The following KCNIP4 variants were observed in gnomAD, a reference collection of about 807,000 sequenced individuals.
KCNIP4 encodes the protein Kv channel-interacting protein 4.
KCNIP4 carries 12 observed loss-of-function variants against 34.0 expected under a neutral mutation model. The observed-to-expected ratio is 0.35, with a 90% CI of 0.23 to 0.57. The LOEUF (loss-of-function observed/expected upper bound fraction) is 0.57. KCNIP4 is among the 20% of genes least tolerant of loss of function. The pLI, the probability that KCNIP4 is intolerant of heterozygous loss-of-function variation, is 0.83. For missense variants in KCNIP4, 238 were observed against 311.7 expected, an observed-to-expected ratio of 0.76 and a Z score of 1.78; for synonymous variants, 124 against 102.2, an observed-to-expected ratio of 1.21 and a Z score of -1.29.
chr4:21,717,469 AT>A lies in KCNIP4; in HGVS notation c.61+231101del, dbSNP rs543967233. Among the ~76,000 whole-genome samples, 187 of 152,290 alleles carry A rather than the reference AT, an allele frequency of 1.2e-3. 1 individual carries two copies. The highest frequency in any genetic ancestry group is 4.3e-3 in the African/African-American group (177 of 41,568). On this transcript the variant is annotated intron_variant, in intron 1 of 8. Transcript: ENST00000382152. ...AATGCACTTGGATTTAGCATTGAGC[AT>A]TTTATAACCCTCAAAAAAAGCTGAG... is the stretch of plus-strand genomic sequence containing the variant.
chr4:21,259,542 G>A (rs59556101), intron 1 of KCNIP4, among the ~76,000 whole-genome samples: 1 of 151,944 alleles, frequency 6.6e-6, no homozygotes, highest in East Asian at 2.0e-4. Flanking sequence ...GTCCCTTTCT[G>A]CCATTGGCTA....
At chr4:21,168,093 A>G (rs1257671029) in intron 1 of KCNIP4, among the ~76,000 whole-genome samples, 1 of 152,196 alleles carries the variant, frequency 6.6e-6, no homozygotes, top group Non-Finnish European at 1.5e-5. Context: ...TGTTTCTAAA[A>G]GTATTCATTT....
At chr4:20,900,163 T>C (rs1727012479) in intron 1 of KCNIP4, among the ~76,000 whole-genome samples, 1 of 152,148 alleles carries the variant, frequency 6.6e-6, no homozygotes, top group Non-Finnish European at 1.5e-5. Context: ...TCTCCAGCTC[T>C]TCCAGATCTC....
chr4:21,603,699 A>T (rs571476349), intron 1 of KCNIP4, among the ~76,000 whole-genome samples: 3 of 134,540 alleles, frequency 2.2e-5, no homozygotes, highest in Non-Finnish European at 3.3e-5. Flanking sequence ...TAGCAATGAT[A>T]AAAAAAAAAA....
rs115675769 is a variant in KCNIP4 at position 21,368,464 on chromosome 4, T to A, written c.62-485755A>T. ...ACACATAATATGTGCCAGGTCCTGT[T>A]CAAAAAAATTTACATGCATGATTCT... On this transcript the variant is annotated intron_variant, in intron 1 of 8. Transcript: ENST00000382152. 1.0e-2 allele frequency among the ~76,000 whole-genome samples: 1,466 copies of A among 147,252 alleles called. 280 individuals carry two copies. Among genetic ancestry groups the A allele is most frequent in the African/African-American group, 0.038 (1,393 of 36,880 alleles).
intron 1 of KCNIP4, among the ~76,000 whole-genome samples, chr4:21,152,303 T>A (rs1752814441): frequency 6.6e-6 from 1 of 152,108 alleles, no homozygotes; most frequent in Admixed American, 6.6e-5. Context: ...CTACATCCCC[T>A]TCTAACTTAC....
intron 1 of KCNIP4, among the ~76,000 whole-genome samples, chr4:21,487,459 G>A (rs13435894): frequency 0.032 from 4,900 of 152,088 alleles, 254 homozygotes; most frequent in African/African-American, 0.11. Flanking sequence ...TTCCTGTCTG[G>A]GGTAGTGTTT....
rs909342945 is a variant in KCNIP4, at chr4:20,729,047, T to G, written c.*1035A>C. ...AATGGAACCACTGGTGCTTTCAAAG[T>G]GAATTTTGCTTGCTAATTTTGCTTG... On this transcript the variant is annotated 3_prime_UTR_variant, in exon 9 of 9. Coordinates refer to ENST00000382152, the MANE Select transcript of KCNIP4 (RefSeq NM_025221.6). 8.0e-5 allele frequency: 12 copies of G among 150,180 alleles called. No individual in the cohort carries two copies. The highest frequency in any genetic ancestry group is 2.0e-4 in the Admixed American group (3 of 15,046). 9.3% of individuals were successfully genotyped at this position (150,180 alleles called of 1,614,324 possible).
chr4:21,487,625 C>A (rs564677501), intron 1 of KCNIP4, among the ~76,000 whole-genome samples: 1 of 152,298 alleles, frequency 6.6e-6, no homozygotes, highest in East Asian at 1.9e-4. Flanking sequence ...AGAAAGTCTG[C>A]AAAATCAGAT....
chr4:20,884,421 C>A (rs1433463267), intron 1 of KCNIP4, among the ~76,000 whole-genome samples: 1 of 151,802 alleles, frequency 6.6e-6, no homozygotes, highest in Admixed American at 6.6e-5. Flanking sequence ...CTGACAGACC[C>A]CCGTGTGTGA....
At chr4:21,515,980 CT>C (rs1734725333) in intron 1 of KCNIP4, among the ~76,000 whole-genome samples, 1 of 152,064 alleles carries the variant, frequency 6.6e-6, no homozygotes, top group South Asian at 2.1e-4. Flanking sequence ...AGGTCTGTCT[CT>C]TGTGTTCACC....
intron 1 of KCNIP4, among the ~76,000 whole-genome samples, chr4:21,776,936 T>C (rs1719219223): frequency 6.6e-6 from 1 of 152,088 alleles, no homozygotes; most frequent in Non-Finnish European, 1.5e-5. Flanking sequence ...CTAATTTTTA[T>C]ATTTCTAGTA....
At chr4:20,855,817 C>T (rs550614880) in intron 2 of KCNIP4, among the ~76,000 whole-genome samples, 73 of 151,878 alleles carry the variant, frequency 4.8e-4, no homozygotes, top group Non-Finnish European at 8.5e-4. Flanking sequence ...AGAATAGTGA[C>T]GGATGAATAA....
At chr4:21,535,533 G>A (rs1014757170) in intron 1 of KCNIP4, among the ~76,000 whole-genome samples, 1 of 152,086 alleles carries the variant, frequency 6.6e-6, no homozygotes, top group South Asian at 2.1e-4. Flanking sequence ...CTTCTGTAAA[G>A]AACCATGATT....
At chr4:21,284,523 G>T (rs1449451811) in intron 1 of KCNIP4, among the ~76,000 whole-genome samples, 2 of 152,152 alleles carry the variant, frequency 1.3e-5, no homozygotes, top group African/African-American at 4.8e-5. Context: ...CATGGCTTTT[G>T]AAGGGAGTGC....
chr4:21,250,933 A>G, intron 1 of KCNIP4, among the ~76,000 whole-genome samples: 1 of 151,154 alleles, frequency 6.6e-6, no homozygotes. Flanking sequence ...ATATTTAAAT[A>G]TACATATACA....
chr4:21,362,830 C>T (rs892473488), intron 1 of KCNIP4, among the ~76,000 whole-genome samples: 26 of 152,116 alleles, frequency 1.7e-4, no homozygotes, highest in Admixed American at 3.9e-4. Flanking sequence ...GCCCTTATCC[C>T]GCCGTTTATA....
intron 1 of KCNIP4, among the ~76,000 whole-genome samples, chr4:21,218,217 G>A (rs1469033302): frequency 3.3e-5 from 5 of 151,698 alleles, no homozygotes; most frequent in South Asian, 2.1e-4. Flanking sequence ...GTTTCACCAT[G>A]TTGGCCAGGT....
At chr4:21,517,643 C>T (rs1003989430) in intron 1 of KCNIP4, among the ~76,000 whole-genome samples, 1 of 152,096 alleles carries the variant, frequency 6.6e-6, no homozygotes, top group East Asian at 1.9e-4. Flanking sequence ...GCCTACACTC[C>T]TTCAGGGTTA....
Sources: allele counts gnomAD v4.1 joint callset (sites outside exome capture counted in the v4.1 genomes callset), GRCh38; gene constraint gnomAD v4.1.1; transcripts MANE v1.5; gene names NCBI Gene and HGNC (gene_info 2026-07-23, HGNC 2026-07-21).